The following TRHDE variants were observed in gnomAD, a reference collection of about 807,000 sequenced individuals.
TRHDE encodes the protein thyrotropin releasing hormone degrading enzyme.
Under a neutral mutation model 125.7 loss-of-function variants are expected in TRHDE, and 72 were observed. That is an observed-to-expected ratio of 0.57 (90% CI 0.47 to 0.70). The LOEUF (loss-of-function observed/expected upper bound fraction) is 0.70, where lower values mean the gene tolerates loss of function less well. Among genes scored for constraint, TRHDE ranks in the 30% least tolerant of loss-of-function variants. The pLI is 0.00. For missense variants in TRHDE, 1,110 were observed against 1,327.1 expected (o/e 0.84, Z 2.54); for synonymous variants, 509 against 509.1 (o/e 1.00, Z 0.00).
intron 3 of TRHDE, among the ~76,000 whole-genome samples, chr12:72,468,137 G>A (rs1876472086): frequency 6.6e-6 from 1 of 152,120 alleles, no homozygotes; most frequent in Admixed American, 6.5e-5. Context: ...GTGTGTTTGT[G>A]TGTGCATCTT....
intron 2 of TRHDE, among the ~76,000 whole-genome samples, chr12:72,179,802 A>G: frequency 6.6e-6 from 1 of 152,194 alleles, no homozygotes; most frequent in East Asian, 1.9e-4. Flanking sequence ...TTGTATATAC[A>G]GTAAGCATTT....
intron 15 of TRHDE, among the ~76,000 whole-genome samples, chr12:72,640,602 T>A (rs972378361): frequency 3.9e-5 from 6 of 152,040 alleles, no homozygotes; most frequent in African/African-American, 7.2e-5. Context: ...AAACAGTGAC[T>A]TCTTTTTTAG....
At chr12:72,497,829 A>T (rs1490413402) in intron 5 of TRHDE, among the ~76,000 whole-genome samples, 1 of 152,350 alleles carries the variant, frequency 6.6e-6, no homozygotes, top group Middle Eastern at 3.4e-3. Context: ...GTGGACTTAA[A>T]TGAACAATGT....
intron 2 of TRHDE, among the ~76,000 whole-genome samples, chr12:72,238,308 AT>A (rs1346957156): frequency 8.6e-5 from 3 of 34,860 alleles, no homozygotes; most frequent in African/African-American, 2.9e-4. Context: ...ATATATATAT[AT>A]ATATATATAT....
intron 2 of TRHDE, among the ~76,000 whole-genome samples, chr12:72,130,912 G>A (rs1875844461): frequency 6.6e-6 from 1 of 152,062 alleles, no homozygotes; most frequent in Admixed American, 6.6e-5. Context: ...ACTCCTGGTG[G>A]ATTGTAAACT....
chr12:72,384,245 A>G (rs1249748081), intron 3 of TRHDE, among the ~76,000 whole-genome samples: 9 of 152,228 alleles, frequency 5.9e-5, no homozygotes, highest in African/African-American at 1.7e-4. Flanking sequence ...AAGGAGTTTG[A>G]TTGCTTTTTT....
intron 3 of TRHDE, chr12:72,432,097 C>G (rs565018910): frequency 6.5e-6 from 1 of 152,728 alleles, no homozygotes; most frequent in Admixed American, 6.5e-5. Flanking sequence ...TTTCTTACCC[C>G]CTTTCTCCTT....
At chr12:72,325,144 C>A (rs1219932393) in intron 2 of TRHDE, among the ~76,000 whole-genome samples, 1 of 136,112 alleles carries the variant, frequency 7.3e-6, no homozygotes, top group Non-Finnish European at 1.6e-5. Context: ...ACATTGCCCA[C>A]AGCCATTTGC....
At chr12:72,649,135 A>AAAAT (rs1203184547) in intron 15 of TRHDE, among the ~76,000 whole-genome samples, 1 of 152,150 alleles carries the variant, frequency 6.6e-6, no homozygotes, top group African/African-American at 2.4e-5. Flanking sequence ...TGCTAATTTT[A>AAAAT]AAATATATTA....
chr12:72,621,853 A>G, intron 15 of TRHDE, 102 bp downstream of exon 15: 1 of 896,806 alleles, frequency 1.1e-6, no homozygotes, highest in Non-Finnish European at 1.7e-6. Flanking sequence ...CAAGATAAGG[A>G]AAAACAAAAG....
Position 72,670,390 on chromosome 12 carries a change from A to G in TRHDE, c.*7195A>G, listed in dbSNP as rs1875218541. 6.6e-6 allele frequency: 1 copy of G among 151,756 alleles called. No homozygotes were observed. The highest frequency in any genetic ancestry group is 1.5e-5 in the Non-Finnish European group (1 of 67,764). The allele number at this position is 151,756 out of a possible 1,614,324, so 9.4% of individuals were successfully genotyped here. A position where few individuals can be genotyped will look rare whatever the true frequency, so the allele number is the denominator to read the frequency against. Reference sequence around the variant, plus strand: ...CTAATAAAATTGATTTCCCTAAATGAGAAAATTTGTCTTCTGTATTTTAAG... The same window carrying G: ...CTAATAAAATTGATTTCCCTAAATGGGAAAATTTGTCTTCTGTATTTTAAG... On this transcript the variant is annotated 3_prime_UTR_variant, in exon 19 of 19. Coordinates refer to ENST00000261180, the MANE Select transcript of TRHDE (RefSeq NM_013381.3).
chr12:72,148,370 C>G (rs956525387), intron 2 of TRHDE, among the ~76,000 whole-genome samples: 2 of 152,062 alleles, frequency 1.3e-5, no homozygotes, highest in African/African-American at 4.8e-5. Context: ...ATTATTTAAT[C>G]AATTTAATAA....
At chr12:72,471,160 G>A (rs532703300) in intron 4 of TRHDE, among the ~76,000 whole-genome samples, 8 of 152,168 alleles carry the variant, frequency 5.3e-5, no homozygotes, top group Admixed American at 2.0e-4. Flanking sequence ...TTACAGGCGT[G>A]AGCCACCGTG....
chr12:72,327,581 C>T (rs1303576933), intron 2 of TRHDE, among the ~76,000 whole-genome samples: 1 of 152,112 alleles, frequency 6.6e-6, no homozygotes, highest in African/African-American at 2.4e-5. Context: ...GTAACATTAG[C>T]AACAGGGGAA....
chr12:72,140,387 A>AC (rs1235618294), intron 2 of TRHDE: 1 of 150,414 alleles, frequency 6.6e-6, no homozygotes, highest in Non-Finnish European at 1.5e-5. Flanking sequence ...ATCCACCCCC[A>AC]CCCCCGCTTC....
At chr12:72,471,375 C>T (rs971608142) in intron 4 of TRHDE, among the ~76,000 whole-genome samples, 1 of 152,116 alleles carries the variant, frequency 6.6e-6, no homozygotes, top group Non-Finnish European at 1.5e-5. Context: ...AAAGCAGTTT[C>T]CTTTTTGAAT....
chr12:72,640,183 C>G (rs561918691), intron 15 of TRHDE, among the ~76,000 whole-genome samples: 16 of 152,370 alleles, frequency 1.1e-4, no homozygotes, highest in African/African-American at 3.4e-4. Flanking sequence ...CCCTCCGAGC[C>G]AGGTGCGGGA....
At chr12:72,170,292 C>T (rs550191001) in intron 2 of TRHDE, among the ~76,000 whole-genome samples, 2 of 152,108 alleles carry the variant, frequency 1.3e-5, no homozygotes, top group Non-Finnish European at 2.9e-5. Flanking sequence ...ATACATGGTT[C>T]TGGAAACTGG....
chr12:72,140,091 T>A (rs1184099287), intron 2 of TRHDE: 1 of 152,242 alleles, frequency 6.6e-6, no homozygotes, highest in Non-Finnish European at 1.5e-5. Flanking sequence ...AAAGCCTACA[T>A]GCTGGAGAAA....
Sources: gnomAD v4.1 joint callset for allele counts (sites outside exome capture counted in the v4.1 genomes callset) on GRCh38, gnomAD v4.1.1 for gene constraint, MANE v1.5 for transcripts, NCBI Gene and HGNC (gene_info 2026-07-23, HGNC 2026-07-21) for gene names.